The following VCL variants were observed in gnomAD, a reference collection of about 807,000 sequenced individuals.
VCL encodes the protein vinculin, also known as epididymis luminal protein 114.
In VCL, 47 loss-of-function variants were observed where a neutral mutation model predicts 125.7. That is an observed-to-expected ratio of 0.37 (90% CI 0.30 to 0.48). VCL has a LOEUF of 0.48. Ranked by LOEUF, VCL falls within the 20% of genes least tolerant of loss-of-function variation. The pLI is 0.99. For missense variants in VCL, 1,069 were observed against 1,455.5 expected (o/e 0.73, Z 4.32); for synonymous variants, 458 against 514.6 (o/e 0.89, Z 1.49).
At chr10:74,077,450 A>G (rs1232997191) in intron 6 of VCL, 1 of 180,884 alleles carries the variant, frequency 5.5e-6, no homozygotes, top group Non-Finnish European at 1.2e-5. Flanking sequence ...TTGGTTATCA[A>G]AATAGAAAAA....
chr10:74,117,264 A>G (rs1210495654), intron 21 of VCL, among the ~76,000 whole-genome samples: 1 of 152,184 alleles, frequency 6.6e-6, no homozygotes, highest in African/African-American at 2.4e-5. Flanking sequence ...GTATAACTTA[A>G]ATGTTAGTAT....
intron 2 of VCL, among the ~76,000 whole-genome samples, chr10:74,048,696 G>T (rs928060848): frequency 2.6e-5 from 4 of 152,306 alleles, no homozygotes; most frequent in African/African-American, 9.6e-5. Context: ...TGCCTAGCAT[G>T]CTGAGTGCTG....
At chr10:74,088,794 C>T (rs540370833) in intron 8 of VCL, among the ~76,000 whole-genome samples, 1 of 152,264 alleles carries the variant, frequency 6.6e-6, no homozygotes, top group Non-Finnish European at 1.5e-5. Context: ...TGTATACTTG[C>T]CCATAAGAAG....
chr10:74,109,571 A>ATTT (rs1247180485), intron 18 of VCL, among the ~76,000 whole-genome samples: 1 of 62,724 alleles, frequency 1.6e-5, no homozygotes, highest in South Asian at 3.6e-4. Context: ...AAATGTTTGC[A>ATTT]TTTTCTTTTT....
Position 74,071,210 on chromosome 10 carries a change from T to C in VCL, c.499+127T>C. 1.2e-6 allele frequency: 1 copy of C among 818,754 alleles called. No homozygotes were observed. Among genetic ancestry groups the C allele is most frequent in the African/African-American group, 1.7e-5 (1 of 58,898 alleles). The allele number at this position is 818,754 out of a possible 1,614,324, so 50.7% of individuals were successfully genotyped here. On this transcript the variant is annotated intron_variant, in intron 4 of 21. Coordinates refer to ENST00000211998, the MANE Select transcript of VCL (RefSeq NM_014000.3). This position sits in a 1 kb window ranked among gnomAD's most constrained non-coding sequence, Gnocchi z 4.1. ...ATGCATTGGGCTTTCAGGTGTCTGC[T>C]CTGTTGATGGAGATGATGCTGTGCT...
intron 2 of VCL, among the ~76,000 whole-genome samples, chr10:74,049,820 T>G (rs1159812483): frequency 6.6e-6 from 1 of 152,194 alleles, no homozygotes; most frequent in East Asian, 1.9e-4. Context: ...GAATAGTAGG[T>G]GCTAATGTTG....
chr10:74,117,982 T>A, intron 21 of VCL, 41 bp from the exon 22 acceptor site: 2 of 1,612,812 alleles, frequency 1.2e-6, no homozygotes, highest in Non-Finnish European at 1.7e-6. Context: ...CAGGCCTGCA[T>A]CAGGGACCCT....
chr10:74,109,769 T>C (rs1000202729), intron 18 of VCL, among the ~76,000 whole-genome samples: 1 of 152,210 alleles, frequency 6.6e-6, no homozygotes, highest in Non-Finnish European at 1.5e-5. Flanking sequence ...GAATAACTTT[T>C]GCCTATTTTC....
intron 6 of VCL, among the ~76,000 whole-genome samples, chr10:74,079,427 C>T (rs1839642908): frequency 1.3e-5 from 2 of 152,148 alleles, no homozygotes; most frequent in Admixed American, 6.6e-5. Flanking sequence ...AATGAAGGTG[C>T]AGTTTTTCTC....
In VCL at chr10:74,090,191, C is replaced by A. The variant is rs1173871364; in HGVS notation, c.1345C>A (p.Arg449=). 6.2e-7 allele frequency: 1 copy of A among 1,614,130 alleles called. No individual in the cohort carries two copies. The highest frequency in any genetic ancestry group is 1.7e-5 in the Admixed American group (1 of 60,014). ...TCTGACTTCTAAATTAGCAGATCTACGAAGACAGTATGTATTTAACCCTTA... is the reference window on the plus strand; with the variant it reads ...TCTGACTTCTAAATTAGCAGATCTAAGAAGACAGTATGTATTTAACCCTTA... ...SALTSKLADL[R]RQGKGDSPEA... Residue 449 remains arginine (R), a synonymous_variant, in exon 10 of 22, where the codon CGA becomes AGA. Transcript: ENST00000211998.
intron 1 of VCL, among the ~76,000 whole-genome samples, chr10:74,027,066 A>G (rs552312309): frequency 1.3e-5 from 2 of 152,228 alleles, no homozygotes; most frequent in African/African-American, 2.4e-5. Flanking sequence ...AGTTCTAGCT[A>G]TAAGCAGAAA....
At chr10:74,019,931 C>G (rs576367014) in intron 1 of VCL, among the ~76,000 whole-genome samples, 1 of 151,682 alleles carries the variant, frequency 6.6e-6, no homozygotes, top group Admixed American at 6.6e-5. Context: ...GGCGTGGTGG[C>G]GGGCGCCTGT....
At chr10:74,078,501 T>A (rs1253759775) in intron 6 of VCL, among the ~76,000 whole-genome samples, 1 of 152,228 alleles carries the variant, frequency 6.6e-6, no homozygotes, top group African/African-American at 2.4e-5. Flanking sequence ...ATGAAAGATC[T>A]CTAAGAGCTT....
chr10:74,071,155 C>G lies in VCL; in HGVS notation c.499+72C>G, dbSNP rs879007225. The stretch of plus-strand genomic sequence containing the variant: ...TTGGAGCCAAAGGAAAGGGTACCCT[C>G]TTCCTACTTTTTGCAGAAGATAGGT... On this transcript the variant is annotated intron_variant, in intron 4 of 21. Coordinates refer to ENST00000211998, the MANE Select transcript of VCL (RefSeq NM_014000.3). The surrounding 1 kb of genome is among the most constrained non-coding windows in gnomAD (Gnocchi z 4.1). 1 of 1,457,798 alleles carries G rather than the reference C, an allele frequency of 6.9e-7. No homozygotes were observed. Among genetic ancestry groups the G allele is most frequent in the Non-Finnish European group, 9.6e-7 (1 of 1,041,880 alleles). 90.3% of individuals were successfully genotyped at this position (1,457,798 alleles called of 1,614,324 possible). A position where few individuals can be genotyped will look rare whatever the true frequency, so the allele number is the denominator to read the frequency against.
At position 74,089,327 on chromosome 10, in the gene VCL, C is replaced by T; in HGVS notation, c.1154C>T (p.Ala385Val). 6.2e-7 allele frequency: 1 copy of T among 1,613,196 alleles called. No homozygotes were observed. The highest frequency in any genetic ancestry group is 1.1e-5 in the South Asian group (1 of 91,080). Residue 385 changes from alanine (A) to valine (V), a missense_variant, in exon 9 of 22, where the codon GCA becomes GTA. This residue lies in a region of VCL where 760 missense variants were observed against 928.9 expected (regional missense o/e 0.82). Transcript: ENST00000211998. ...ATGACCAACTCAAAGCAGAGCATTG[C>T]AAAGAAGATCGATGCTGCTCAGGTA... ...EAMTNSKQSI[A>V]KKIDAAQNWL...
intron 6 of VCL, 82 bp from the exon 7 acceptor site, chr10:74,082,372 T>C (rs1290253518): frequency 1.5e-5 from 22 of 1,483,876 alleles, no homozygotes; most frequent in South Asian, 8.1e-5. Flanking sequence ...ATGTTAATGC[T>C]GTAACTTCTT....
chr10:74,065,816 T>G (rs1301872576), intron 2 of VCL, among the ~76,000 whole-genome samples: 1 of 152,094 alleles, frequency 6.6e-6, no homozygotes, highest in Non-Finnish European at 1.5e-5. Context: ...ATTCAATTGA[T>G]AAAACCATTT....
At chr10:74,017,046 CTTTTTTTTT>C (rs549275362) in intron 1 of VCL, among the ~76,000 whole-genome samples, 1 of 113,168 alleles carries the variant, frequency 8.8e-6, no homozygotes. Flanking sequence ...AATTTCCTTC[CTTTTTTTTT>C]TTTTTTTTTT....
chr10:74,070,489 CCA>C (rs1841646596), intron 2 of VCL, among the ~76,000 whole-genome samples, 179 bp from the exon 3 acceptor site: 1 of 152,132 alleles, frequency 6.6e-6, no homozygotes, highest in African/African-American at 2.4e-5. Context: ...CAGGCATGAG[CCA>C]CTGTGTCCTG....
Sources: gnomAD v4.1 joint callset for allele counts (sites outside exome capture counted in the v4.1 genomes callset) on GRCh38, gnomAD v4.1.1 for gene constraint, gnomAD v4.1.1 regional missense constraint, Gnocchi (gnomAD v3.1) non-coding constraint, MANE v1.5 for transcripts, NCBI Gene and HGNC (gene_info 2026-07-23, HGNC 2026-07-21) for gene names.